The following SLC25A21 variants were observed in gnomAD, a reference collection of about 807,000 sequenced individuals.
SLC25A21 encodes the protein mitochondrial 2-oxodicarboxylate carrier.
SLC25A21 carries 47 observed loss-of-function variants against 43.8 expected under a neutral mutation model. The observed-to-expected ratio is 1.07, with a 90% CI of 0.85 to 1.37. The LOEUF (loss-of-function observed/expected upper bound fraction) is 1.37. Ranked by LOEUF, SLC25A21 falls within the 40% of genes most tolerant of loss-of-function variation. The pLI, the probability that SLC25A21 is intolerant of heterozygous loss-of-function variation, is 0.00. For synonymous variants in SLC25A21, 131 were observed against 121.3 expected, an observed-to-expected ratio of 1.08 and a Z score of -0.52; for missense variants, 352 against 350.2, an observed-to-expected ratio of 1.00 and a Z score of -0.04.
intron 1 of SLC25A21, among the ~76,000 whole-genome samples, chr14:37,116,603 A>G (rs543394327): frequency 6.6e-6 from 1 of 151,920 alleles, no homozygotes; most frequent in Non-Finnish European, 1.5e-5. Flanking sequence ...TTTTGGTTCA[A>G]AAAAAAATAA....
intron 1 of SLC25A21, among the ~76,000 whole-genome samples, chr14:37,097,456 G>A (rs1205900170): frequency 6.6e-6 from 1 of 152,112 alleles, no homozygotes; most frequent in African/African-American, 2.4e-5. Flanking sequence ...GGGGGAGGTA[G>A]GCAATTGTTG....
At chr14:37,139,723 A>G (rs1270104484) in intron 1 of SLC25A21, among the ~76,000 whole-genome samples, 1 of 152,204 alleles carries the variant, frequency 6.6e-6, no homozygotes, top group Non-Finnish European at 1.5e-5. Context: ...GCTAATTACA[A>G]AAGACAGTGA....
At chr14:37,164,079 T>A (rs1012149779) in intron 1 of SLC25A21, among the ~76,000 whole-genome samples, 1 of 152,218 alleles carries the variant, frequency 6.6e-6, no homozygotes, top group African/African-American at 2.4e-5. Context: ...GTATAAAAGT[T>A]GTTTTAAGTT....
At chr14:37,167,371 C>T (rs1964047079) in intron 1 of SLC25A21, among the ~76,000 whole-genome samples, 1 of 152,122 alleles carries the variant, frequency 6.6e-6, no homozygotes. Context: ...GGTAGTGAAA[C>T]TGCCATTGCA....
At chr14:36,888,511 G>A (rs1302298004) in intron 1 of SLC25A21, among the ~76,000 whole-genome samples, 1 of 151,800 alleles carries the variant, frequency 6.6e-6, no homozygotes, top group Non-Finnish European at 1.5e-5. Context: ...ATCTATATAT[G>A]TTCTGTAATG....
chr14:36,927,329 G>A (rs539800030), intron 1 of SLC25A21, among the ~76,000 whole-genome samples: 1 of 152,288 alleles, frequency 6.6e-6, no homozygotes, highest in South Asian at 2.1e-4. Flanking sequence ...CCGTATTTTA[G>A]ACATACGAAC....
chr14:36,990,030 G>A (rs912550838), intron 1 of SLC25A21, among the ~76,000 whole-genome samples: 3 of 152,122 alleles, frequency 2.0e-5, no homozygotes, highest in African/African-American at 4.8e-5. Flanking sequence ...TAAGTACGAG[G>A]GGTTTCTAGA....
chr14:37,011,832 T>C (rs1420765246), intron 1 of SLC25A21, among the ~76,000 whole-genome samples: 1 of 152,228 alleles, frequency 6.6e-6, no homozygotes, highest in Non-Finnish European at 1.5e-5. Flanking sequence ...GGCTAGAGCA[T>C]TCCGAGCACA....
intron 2 of SLC25A21, among the ~76,000 whole-genome samples, chr14:36,818,690 A>G (rs1168441173): frequency 2.0e-5 from 3 of 152,236 alleles, no homozygotes; most frequent in African/African-American, 2.4e-5. Context: ...TCACAGAGTT[A>G]TCAGTTCTTC....
intron 1 of SLC25A21, among the ~76,000 whole-genome samples, chr14:36,946,216 T>C (rs1892676176): frequency 1.3e-5 from 2 of 152,264 alleles, no homozygotes; most frequent in Middle Eastern, 3.4e-3. Flanking sequence ...ACTGTACCAG[T>C]GTAGTACAAA....
chr14:37,123,512 T>C (rs1326455224), intron 1 of SLC25A21, among the ~76,000 whole-genome samples: 2 of 152,202 alleles, frequency 1.3e-5, no homozygotes, highest in African/African-American at 4.8e-5. Context: ...AATATAATGA[T>C]ACATTGTTGT....
At chr14:36,705,058 A>AT (rs930336379) in intron 7 of SLC25A21, among the ~76,000 whole-genome samples, 32 of 149,934 alleles carry the variant, frequency 2.1e-4, no homozygotes, top group South Asian at 6.4e-4. Flanking sequence ...GCTTACCGTT[A>AT]TTTTTTTTTT....
chr14:37,002,365 T>C (rs1419294646), intron 1 of SLC25A21, among the ~76,000 whole-genome samples: 1 of 152,218 alleles, frequency 6.6e-6, no homozygotes, highest in East Asian at 1.9e-4. Context: ...ATCTCAGCCA[T>C]TTTAATGTAG....
chr14:36,710,959 G>C (rs1386578764), intron 7 of SLC25A21, among the ~76,000 whole-genome samples: 1 of 152,116 alleles, frequency 6.6e-6, no homozygotes, highest in African/African-American at 2.4e-5. Context: ...AGAAAGTTAT[G>C]CTCCTGAGAT....
chr14:36,785,284 T>A (rs1022543526), intron 3 of SLC25A21, among the ~76,000 whole-genome samples: 1 of 152,212 alleles, frequency 6.6e-6, no homozygotes, highest in Non-Finnish European at 1.5e-5. Flanking sequence ...TCTATTTGGA[T>A]CTTGGGTTTG....
chr14:36,713,646 T>G lies in SLC25A21; in HGVS notation c.439-2164A>C, dbSNP rs182604044. 4.7e-3 allele frequency among the ~76,000 whole-genome samples: 718 copies of G among 152,322 alleles called. 6 individuals are homozygous for G. Among genetic ancestry groups the G allele is most frequent in the African/African-American group, 0.016 (673 of 41,574 alleles). On this transcript the variant is annotated intron_variant, in intron 6 of 9. Transcript: ENST00000331299. The stretch of plus-strand genomic sequence containing the variant: ...TTTATCCTCTCTGATTGATTCTCAC[T>G]TTATTAATTTCTAAATTTCTAAATA...
At chr14:37,133,117 T>C (rs1042693123) in intron 1 of SLC25A21, among the ~76,000 whole-genome samples, 8 of 148,598 alleles carry the variant, frequency 5.4e-5, no homozygotes, top group African/African-American at 1.8e-4. Flanking sequence ...CTGATACACA[T>C]ACCCCACCTT....
chr14:36,684,959 G>A (rs1454804283), intron 7 of SLC25A21, 34 bp from the exon 8 acceptor site: 2 of 1,571,632 alleles, frequency 1.3e-6, no homozygotes, highest in Admixed American at 3.6e-5. Context: ...AACAGAAAGG[G>A]GAGCGGAAGC....
chr14:36,719,734 G>A (rs550033414), intron 6 of SLC25A21, among the ~76,000 whole-genome samples: 1 of 152,020 alleles, frequency 6.6e-6, no homozygotes, highest in South Asian at 2.1e-4. Flanking sequence ...GTATATGAGG[G>A]CAGTATCAGG....
Sources: gnomAD v4.1 joint callset for allele counts (sites outside exome capture counted in the v4.1 genomes callset) on GRCh38, gnomAD v4.1.1 for gene constraint, MANE v1.5 for transcripts, NCBI Gene and HGNC (gene_info 2026-07-23, HGNC 2026-07-21) for gene names.